The following PPFIA2 variants were observed in gnomAD, a reference collection of about 807,000 sequenced individuals.
PPFIA2 encodes the protein PPFI scaffold protein A2, also known as liprin-alpha-2.
In PPFIA2, 46 loss-of-function variants were observed where a neutral mutation model predicts 175.5. That is an observed-to-expected ratio of 0.26 (90% CI 0.21 to 0.34). The LOEUF (loss-of-function observed/expected upper bound fraction) is 0.34. Among genes scored for constraint, PPFIA2 ranks in the 10% least tolerant of loss-of-function variants. The probability of loss-of-function intolerance (pLI) is 1.00; values close to 1 mark genes in which losing one functional copy is unlikely to be tolerated. For missense variants in PPFIA2, 1,179 were observed against 1,506.1 expected, an observed-to-expected ratio of 0.78 and a Z score of 3.60; for synonymous variants, 568 against 511.4, an observed-to-expected ratio of 1.11 and a Z score of -1.49.
chr12:81,297,584 G>C lies in PPFIA2; in HGVS notation c.2724+1717C>G, dbSNP rs145297948. 3.2e-3 allele frequency among the ~76,000 whole-genome samples: 488 copies of C among 152,242 alleles called. 2 individuals are homozygous for C. The highest frequency in any genetic ancestry group is 7.2e-3 in the Admixed American group (110 of 15,286). The stretch of plus-strand genomic sequence containing the variant: ...GGTACATTATATATGACAGAAGATA[G>C]TACTTGACTATTTAGTTTATAAACT... On this transcript the variant is annotated intron_variant, in intron 23 of 32. Coordinates refer to ENST00000549396, the MANE Select transcript of PPFIA2 (RefSeq NM_003625.5).
intron 3 of PPFIA2, among the ~76,000 whole-genome samples, chr12:81,732,662 G>A (rs1285818959): frequency 2.0e-5 from 3 of 151,074 alleles, no homozygotes; most frequent in Admixed American, 6.6e-5. Context: ...TATCAAGGAA[G>A]GAAAAAGAGG....
chr12:81,313,440 T>A (rs2051465489), intron 22 of PPFIA2, among the ~76,000 whole-genome samples: 1 of 152,106 alleles, frequency 6.6e-6, no homozygotes, highest in South Asian at 2.1e-4. Flanking sequence ...CCGTGTACTT[T>A]TTATTAAATC....
chr12:81,571,964 G>A (rs141811077), intron 4 of PPFIA2, among the ~76,000 whole-genome samples: 1 of 152,184 alleles, frequency 6.6e-6, no homozygotes, highest in Non-Finnish European at 1.5e-5. Context: ...CTGAGCCAAA[G>A]TGGTAAACCC....
chr12:81,531,883 T>C (rs1331414471), intron 4 of PPFIA2, among the ~76,000 whole-genome samples: 1 of 151,572 alleles, frequency 6.6e-6, no homozygotes, highest in Non-Finnish European at 1.5e-5. Flanking sequence ...AATCTGAAAA[T>C]GAGAAATTCA....
rs532745427 is a variant in PPFIA2 at position 81,385,701 on chromosome 12, G to T, written c.763-1457C>A. On this transcript the variant is annotated intron_variant, in intron 8 of 32. Coordinates refer to ENST00000549396, the MANE Select transcript of PPFIA2 (RefSeq NM_003625.5). The stretch of plus-strand genomic sequence containing the variant: ...AGAAGAATGGTGGTTGCCAGAGGCT[G>T]GAAAAAAAGGATAGCTGTGATGAGT... Among the ~76,000 whole-genome samples the T allele has an allele frequency of 1.0e-3, 157 of 152,028 alleles. 1 individual carries two copies. Among genetic ancestry groups the T allele is most frequent in the African/African-American group, 3.4e-3 (139 of 41,474 alleles).
At chr12:81,279,844 T>C (rs992124605) in intron 27 of PPFIA2, among the ~76,000 whole-genome samples, 4 of 152,168 alleles carry the variant, frequency 2.6e-5, no homozygotes, top group Admixed American at 6.5e-5. Context: ...TCACAATGTA[T>C]ACACTACAAG....
chr12:81,583,543 G>C (rs535209191), intron 4 of PPFIA2, among the ~76,000 whole-genome samples: 1 of 151,936 alleles, frequency 6.6e-6, no homozygotes, highest in East Asian at 1.9e-4. Context: ...AATAAATATA[G>C]GATGTTTAAG....
chr12:81,461,148 A>G (rs896915938), intron 4 of PPFIA2, among the ~76,000 whole-genome samples: 1 of 152,128 alleles, frequency 6.6e-6, no homozygotes, highest in Non-Finnish European at 1.5e-5. Context: ...TATTACTTAC[A>G]GAACAATAGC....
At chr12:81,366,016 TCC>T (rs2033234718) in intron 14 of PPFIA2, among the ~76,000 whole-genome samples, 1 of 108,440 alleles carries the variant, frequency 9.2e-6, no homozygotes, top group Non-Finnish European at 1.8e-5. Context: ...CTTCCTTCCT[TCC>T]TTCCTTCCTT....
chr12:81,724,387 T>A (rs1014649187), intron 3 of PPFIA2, among the ~76,000 whole-genome samples: 5 of 150,868 alleles, frequency 3.3e-5, no homozygotes, highest in Non-Finnish European at 7.4e-5. Flanking sequence ...AATACATTGT[T>A]TCATGGTGAA....
intron 4 of PPFIA2, among the ~76,000 whole-genome samples, chr12:81,612,512 A>C (rs1310517794): frequency 6.6e-6 from 1 of 152,124 alleles, no homozygotes; most frequent in Non-Finnish European, 1.5e-5. Flanking sequence ...AGAAAAAAAA[A>C]CTTCGAATAC....
chr12:81,535,833 T>TA (rs2065289189), intron 4 of PPFIA2, among the ~76,000 whole-genome samples: 2 of 151,836 alleles, frequency 1.3e-5, no homozygotes, highest in Non-Finnish European at 2.9e-5. Flanking sequence ...TTTCACTTGT[T>TA]ATAACTATAA....
intron 4 of PPFIA2, among the ~76,000 whole-genome samples, chr12:81,559,089 A>G (rs1452940469): frequency 6.6e-6 from 1 of 152,226 alleles, no homozygotes; most frequent in Non-Finnish European, 1.5e-5. Flanking sequence ...TTTGTGCAAT[A>G]GCTGAAACAA....
intron 4 of PPFIA2, among the ~76,000 whole-genome samples, chr12:81,543,865 A>G (rs1482955785): frequency 3.9e-5 from 6 of 152,178 alleles, no homozygotes; most frequent in Non-Finnish European, 8.8e-5. Context: ...TAATCTGATC[A>G]TAAGAAAAAT....
intron 19 of PPFIA2, among the ~76,000 whole-genome samples, chr12:81,344,237 G>A (rs1007149638): frequency 9.9e-5 from 15 of 151,874 alleles, no homozygotes; most frequent in African/African-American, 3.6e-4. Flanking sequence ...TGAGTAACAA[G>A]CTATCTTTTT....
intron 14 of PPFIA2, among the ~76,000 whole-genome samples, chr12:81,366,430 T>G (rs1233713445): frequency 6.6e-6 from 1 of 151,604 alleles, no homozygotes; most frequent in Non-Finnish European, 1.5e-5. Context: ...TCATGCCACA[T>G]GCACTATGTT....
intron 18 of PPFIA2, 83 bp from the exon 19 acceptor site, chr12:81,344,776 G>C: frequency 1.1e-6 from 1 of 950,054 alleles, no homozygotes; most frequent in South Asian, 1.8e-5. Flanking sequence ...TTTAAATAGT[G>C]TCTACAACTT....
chr12:81,671,793 C>T (rs572558939), intron 4 of PPFIA2, among the ~76,000 whole-genome samples: 3 of 152,074 alleles, frequency 2.0e-5, no homozygotes, highest in East Asian at 1.9e-4. Flanking sequence ...GCTGTTTCCT[C>T]TGCTGAATAT....
chr12:81,535,705 T>C (rs2065273609), intron 4 of PPFIA2, among the ~76,000 whole-genome samples: 1 of 151,600 alleles, frequency 6.6e-6, no homozygotes, highest in South Asian at 2.1e-4. Flanking sequence ...ATCTCTTTTA[T>C]GACACGTGTT....
Sources: gnomAD v4.1 joint callset for allele counts (sites outside exome capture counted in the v4.1 genomes callset) on GRCh38, gnomAD v4.1.1 for gene constraint, MANE v1.5 for transcripts, NCBI Gene and HGNC (gene_info 2026-07-23, HGNC 2026-07-21) for gene names.